The following SLX9 variants were observed in gnomAD, a reference collection of about 807,000 sequenced individuals.
SLX9 encodes the protein SLX9 ribosome biogenesis factor, also known as ribosome biogenesis protein SLX9 homolog.
In SLX9, 19 loss-of-function variants were observed where a neutral mutation model predicts 20.8. The ratio of observed to expected loss-of-function variants is 0.91; its 90% CI spans 0.64 to 1.34. SLX9 has a LOEUF of 1.34. Ranked by LOEUF, SLX9 falls within the 40% of genes most tolerant of loss-of-function variation. The pLI is 0.00. For missense variants in SLX9, 299 were observed against 322.2 expected (o/e 0.93, Z 0.55); for synonymous variants, 113 against 137.1 (o/e 0.82, Z 1.23).
intron 4 of SLX9, among the ~76,000 whole-genome samples, chr21:44,972,697 G>A (rs569706747): frequency 6.6e-6 from 1 of 152,354 alleles, no homozygotes; most frequent in South Asian, 2.1e-4. Context: ...CTGGGGACAT[G>A]TAGGCTTGGG....
At chr21:44,970,132 G>A (rs2085116478) in intron 4 of SLX9, among the ~76,000 whole-genome samples, 1 of 152,226 alleles carries the variant, frequency 6.6e-6, no homozygotes, top group South Asian at 2.1e-4. Flanking sequence ...TTGGGAGGAA[G>A]TCGCTCTGCA....
intron 3 of SLX9, among the ~76,000 whole-genome samples, chr21:44,960,940 T>C (rs1359386463): frequency 1.3e-5 from 2 of 152,278 alleles, no homozygotes; most frequent in African/African-American, 4.8e-5. Flanking sequence ...ATATTTTCTT[T>C]TTTATGTTAT....
At position 44,976,767 on chromosome 21, in the gene SLX9, C is replaced by G. The variant is rs1392838687; in HGVS notation, c.657C>G (p.Ala219=). The G allele has an allele frequency of 6.4e-7, 1 of 1,551,590 alleles. No homozygotes were observed. Among genetic ancestry groups the G allele is most frequent in the Admixed American group, 1.9e-5 (1 of 51,702 alleles). The change falls in exon 6 of 6, where the codon GCC becomes GCG. Residue 219 remains alanine (A), a synonymous_variant. Transcript: ENST00000291634. ...TGGTGGCCATCGGGCAGACGCTGGC[C>G]CGGCAGATGCAGCTGGAAGATGGCG... ...SPLVAIGQTL[A]RQMQLEDGGQ... is the part of the protein sequence containing the mutation.
At chr21:44,961,983 A>G (rs2084955019) in intron 3 of SLX9, among the ~76,000 whole-genome samples, 1 of 152,222 alleles carries the variant, frequency 6.6e-6, no homozygotes, top group South Asian at 2.1e-4. Context: ...AGAATTTTAT[A>G]GGGAATACCC....
upstream of SLX9, chr21:44,939,864 TC>T: frequency 1.7e-6 from 1 of 577,298 alleles, no homozygotes. Flanking sequence ...GGTCTGTTTC[TC>T]CCAGGTGCGT....
intron 4 of SLX9, among the ~76,000 whole-genome samples, chr21:44,971,633 C>T (rs948554059): frequency 9.0e-5 from 6 of 66,864 alleles, no homozygotes; most frequent in Non-Finnish European, 1.4e-4. Flanking sequence ...GTCCTGGACC[C>T]GGGCTCAGGT....
intron 4 of SLX9, chr21:44,969,401 G>T: frequency 2.8e-6 from 1 of 362,960 alleles, no homozygotes; most frequent in Non-Finnish European, 5.7e-6. Context: ...GAAGGGAGAG[G>T]GCTGTATCAA....
chr21:44,971,781 G>T (rs999927340), intron 4 of SLX9, among the ~76,000 whole-genome samples: 1 of 152,226 alleles, frequency 6.6e-6, no homozygotes, highest in Non-Finnish European at 1.5e-5. Context: ...CTGCTCAGGG[G>T]TGGACACAGG....
intron 2 of SLX9, among the ~76,000 whole-genome samples, chr21:44,948,878 C>T (rs972460504): frequency 1.4e-4 from 22 of 152,178 alleles, no homozygotes; most frequent in African/African-American, 5.1e-4. Context: ...TGGAGTCAGG[C>T]GTGGAGCGGT....
At position 44,967,117 on chromosome 21, in the gene SLX9, C is replaced by T; in HGVS notation, c.436C>T (p.Pro146Ser). The change falls in exon 4 of 6, where the codon CCT becomes TCT. Residue 146 changes from proline (P) to serine (S), a missense_variant. Pro to Ser is a moderately conservative substitution (Grantham distance 74). Coordinates refer to ENST00000291634, the MANE Select transcript of SLX9 (RefSeq NM_058190.4). Reference sequence around the variant, plus strand: ...CACGGTGGTGGTGGGGGACCTGCACCCTCTCAGGGATGCCCTGCCCGAGCT... The same window carrying T: ...CACGGTGGTGGTGGGGGACCTGCACTCTCTCAGGGATGCCCTGCCCGAGCT... ...RATVVVGDLH[P>S]LRDALPELLG... 13 of 1,610,318 alleles carry T rather than the reference C, an allele frequency of 8.1e-6. No individual in the cohort carries two copies. Among genetic ancestry groups the T allele is most frequent in the South Asian group, 1.1e-5 (1 of 90,904 alleles).
chr21:44,949,173 G>A (rs1451369711), intron 2 of SLX9, among the ~76,000 whole-genome samples: 1 of 152,178 alleles, frequency 6.6e-6, no homozygotes, highest in Admixed American at 6.5e-5. Flanking sequence ...GAGAGGCCAG[G>A]GTCCCGAGCC....
At chr21:44,966,742 C>T (rs932986863) in intron 3 of SLX9, among the ~76,000 whole-genome samples, 3 of 152,242 alleles carry the variant, frequency 2.0e-5, no homozygotes, top group East Asian at 3.8e-4. Context: ...CTCCCCTACG[C>T]GTGCTCCGGC....
intron 5 of SLX9, among the ~76,000 whole-genome samples, chr21:44,975,286 G>A (rs1039498044): frequency 5.9e-5 from 9 of 152,164 alleles, no homozygotes; most frequent in African/African-American, 7.2e-5. Context: ...CTGGTGGTCC[G>A]TGCCCCAAGG....
At chr21:44,953,516 C>CCCCGGCGGTGGGGCCCTGCATT (rs1299515451) in intron 2 of SLX9, among the ~76,000 whole-genome samples, 3 of 151,594 alleles carry the variant, frequency 2.0e-5, no homozygotes, top group African/African-American at 7.3e-5. Flanking sequence ...GGCCCTGCAT[C>CCCCGGCGGTGGGGCCCTGCATT]CGGGCCTCGG....
intron 4 of SLX9, 68 bp from the exon 5 acceptor site, chr21:44,973,129 C>T: frequency 1.9e-6 from 3 of 1,570,186 alleles, no homozygotes; most frequent in South Asian, 2.2e-5. Context: ...GAGGAGCCAG[C>T]CTCTGCCCAC....
intron 3 of SLX9, among the ~76,000 whole-genome samples, chr21:44,963,610 C>T (rs1481124221): frequency 6.6e-6 from 1 of 151,634 alleles, no homozygotes; most frequent in Non-Finnish European, 1.5e-5. Flanking sequence ...TGGTTAAGTT[C>T]CTTTTTTCCC....
intron 5 of SLX9, among the ~76,000 whole-genome samples, chr21:44,976,219 C>T (rs780857989): frequency 3.9e-5 from 6 of 152,250 alleles, no homozygotes; most frequent in African/African-American, 1.2e-4. Flanking sequence ...GGGTCGTCGC[C>T]GTGGCACCCA....
At chr21:44,972,610 C>T (rs1318235896) in intron 4 of SLX9, among the ~76,000 whole-genome samples, 5 of 152,196 alleles carry the variant, frequency 3.3e-5, no homozygotes, top group Admixed American at 3.3e-4. Flanking sequence ...ACGCCCCTGT[C>T]CCCAAGTTCA....
intron 2 of SLX9, among the ~76,000 whole-genome samples, chr21:44,945,885 C>T (rs866663169): frequency 6.6e-6 from 1 of 152,224 alleles, no homozygotes; most frequent in African/African-American, 2.4e-5. Context: ...CCAGCTAACG[C>T]CACCACGCCC....
Sources: allele counts gnomAD v4.1 joint callset (sites outside exome capture counted in the v4.1 genomes callset), GRCh38; gene constraint gnomAD v4.1.1; transcripts MANE v1.5; gene names NCBI Gene and HGNC (gene_info 2026-07-23, HGNC 2026-07-21).